DEPDC5: variants seen among roughly 807,000 people sequenced by gnomAD.
The protein encoded by DEPDC5 is DEP domain containing 5, GATOR1 subcomplex subunit, also known as GATOR1 complex protein DEPDC5.
In DEPDC5, 73 loss-of-function variants were observed where a neutral mutation model predicts 217.3. The observed-to-expected ratio is 0.34, with a 90% CI of 0.28 to 0.41. The LOEUF is 0.41. Ranked by LOEUF, DEPDC5 falls within the 10% of genes least tolerant of loss-of-function variation. The pLI, the probability that DEPDC5 is intolerant of heterozygous loss-of-function variation, is 1.00. For missense variants in DEPDC5, 1,675 were observed against 2,070.1 expected (o/e 0.81, Z 3.70); for synonymous variants, 733 against 756.7 (o/e 0.97, Z 0.51).
chr22:31,815,445 T>G (rs1006947324), intron 21 of DEPDC5: 4 of 633,970 alleles, frequency 6.3e-6, no homozygotes, highest in Non-Finnish European at 1.1e-5. Context: ...AGTGATGCAA[T>G]CACAGCTCAC....
At chr22:31,771,614 G>T (rs2083360744) in intron 7 of DEPDC5, among the ~76,000 whole-genome samples, 1 of 151,810 alleles carries the variant, frequency 6.6e-6, no homozygotes, top group Non-Finnish European at 1.5e-5. Flanking sequence ...CAGCTACTCG[G>T]GAGGCTGAGG....
chr22:31,809,322 T>C (rs1242579017), intron 18 of DEPDC5, among the ~76,000 whole-genome samples: 4 of 152,204 alleles, frequency 2.6e-5, no homozygotes, highest in African/African-American at 9.7e-5. Flanking sequence ...GAATTTTGGC[T>C]CTGCCACCTG....
At chr22:31,780,472 T>G (rs2084312209) in intron 8 of DEPDC5, among the ~76,000 whole-genome samples, 1 of 152,074 alleles carries the variant, frequency 6.6e-6, no homozygotes, top group Non-Finnish European at 1.5e-5. Flanking sequence ...CGTAATCACT[T>G]CTCCCATGTG....
At chr22:31,810,468 G>A in intron 19 of DEPDC5, 53 bp from the exon 20 acceptor site, 7 of 1,609,792 alleles carry the variant, frequency 4.3e-6, no homozygotes, top group Non-Finnish European at 5.9e-6. Context: ...TCAGCTCTCA[G>A]GCATGTGTTT....
At chr22:31,812,483 G>C (rs1258221358) in intron 20 of DEPDC5, among the ~76,000 whole-genome samples, 1 of 141,476 alleles carries the variant, frequency 7.1e-6, no homozygotes, top group Non-Finnish European at 1.5e-5. Context: ...GGAGTGTAGT[G>C]GCGCGATCTC....
At chr22:31,899,316 TA>T (rs1329672490) in intron 40 of DEPDC5, among the ~76,000 whole-genome samples, 5 of 152,240 alleles carry the variant, frequency 3.3e-5, no homozygotes, top group Non-Finnish European at 7.3e-5. Context: ...TTCAAAATCT[TA>T]AAAATCTGAC....
chr22:31,780,451 T>A (rs1202962270), intron 8 of DEPDC5, among the ~76,000 whole-genome samples: 1 of 152,134 alleles, frequency 6.6e-6, no homozygotes, highest in East Asian at 1.9e-4. Context: ...GGCAGTTGAG[T>A]CTGGAGTTCT....
chr22:31,798,527 A>G (rs1177870194), intron 13 of DEPDC5, 55 bp from the exon 14 acceptor site: 8 of 1,529,602 alleles, frequency 5.2e-6, no homozygotes, highest in African/African-American at 2.8e-5. Context: ...AAAATTAAAA[A>G]AAAAAGTTCA....
chr22:31,760,518 C>A (rs1173476504), intron 3 of DEPDC5, 138 bp from the exon 4 acceptor site: 4 of 715,582 alleles, frequency 5.6e-6, no homozygotes, highest in Non-Finnish European at 6.9e-6. Context: ...TTCTTTGTTT[C>A]TGAGGGAGCT....
chr22:31,855,667 T>G (rs564775775), intron 31 of DEPDC5, among the ~76,000 whole-genome samples: 1 of 152,250 alleles, frequency 6.6e-6, no homozygotes, highest in Admixed American at 6.5e-5. Context: ...CGTGAGCCAC[T>G]GCGCCTGGCC....
At chr22:31,847,596 A>G (rs2091815438) in intron 31 of DEPDC5, among the ~76,000 whole-genome samples, 1 of 152,168 alleles carries the variant, frequency 6.6e-6, no homozygotes, top group Non-Finnish European at 1.5e-5. Flanking sequence ...TAAAACCATC[A>G]CATCTCGTGA....
rs767329571 is a variant in DEPDC5 at position 31,906,128 on chromosome 22, A to G, written c.4519+62A>G. Reference sequence around the variant, plus strand: ...ACATCCCTTTCCTTGCACCAAGCCTATGGCTGCAGAACCACCTCAGCAGGC... The same window carrying G: ...ACATCCCTTTCCTTGCACCAAGCCTGTGGCTGCAGAACCACCTCAGCAGGC... On this transcript the variant is annotated intron_variant, in intron 42 of 42. Transcript: ENST00000651528. This position sits in a 1 kb window ranked among gnomAD's most constrained non-coding sequence, Gnocchi z 5.1. 2.5e-6 allele frequency: 4 copies of G among 1,613,620 alleles called. No individual in the cohort carries two copies. In the South Asian group the frequency reaches 3.3e-5, roughly 13 times the overall value.
chr22:31,791,993 G>A (rs748207605), intron 10 of DEPDC5, 40 bp from the exon 11 acceptor site: 2 of 965,414 alleles, frequency 2.1e-6, no homozygotes, highest in African/African-American at 3.3e-5. Context: ...TGAAGTAAAT[G>A]AAACAAACTT....
At position 31,881,102 on chromosome 22, in the gene DEPDC5, A is replaced by G. The variant is rs191131738; in HGVS notation, c.4033+1350A>G. Among the ~76,000 whole-genome samples, 122 of 151,576 alleles carry G rather than the reference A, an allele frequency of 8.0e-4. 1 individual carries two copies. The highest frequency in any genetic ancestry group is 1.5e-3 in the Non-Finnish European group (99 of 67,834). Reference sequence around the variant, plus strand: ...GAGGTGGGTGGATCACCTGAGGTCAAGAGTTTGATACCAGCCTGGGCAACA... The same window carrying G: ...GAGGTGGGTGGATCACCTGAGGTCAGGAGTTTGATACCAGCCTGGGCAACA... On this transcript the variant is annotated intron_variant, in intron 38 of 42. Coordinates refer to ENST00000651528, the MANE Select transcript of DEPDC5 (RefSeq NM_001242896.3).
At chr22:31,847,521 AAC>A (rs1569096318) in intron 31 of DEPDC5, among the ~76,000 whole-genome samples, 1 of 152,204 alleles carries the variant, frequency 6.6e-6, no homozygotes, top group South Asian at 2.1e-4. Context: ...AAGGGAAGCA[AAC>A]ACATCCTTCT....
chr22:31,801,467 A>G (rs1401870757), intron 14 of DEPDC5, among the ~76,000 whole-genome samples: 3 of 152,164 alleles, frequency 2.0e-5, no homozygotes, highest in Non-Finnish European at 4.4e-5. Context: ...CCCGGCATTT[A>G]TGTGTTAGCC....
At chr22:31,904,393 TA>T (rs948050346) in intron 41 of DEPDC5, among the ~76,000 whole-genome samples, 6 of 151,522 alleles carry the variant, frequency 4.0e-5, no homozygotes, top group African/African-American at 7.3e-5. Context: ...ATTACTCTGG[TA>T]AAAAAAAATC....
At chr22:31,830,624 C>T (rs944904446) in intron 24 of DEPDC5, among the ~76,000 whole-genome samples, 6 of 118,322 alleles carry the variant, frequency 5.1e-5, no homozygotes, top group South Asian at 2.8e-4. Context: ...TCGGGGTATG[C>T]GTGTACGTGT....
chr22:31,834,437 TAGC>T, intron 25 of DEPDC5, among the ~76,000 whole-genome samples: 1 of 152,220 alleles, frequency 6.6e-6, no homozygotes, highest in African/African-American at 2.4e-5. Context: ...AATAATAAAA[TAGC>T]AGAGAAAATC....
Sources: gnomAD v4.1 joint callset for allele counts (sites outside exome capture counted in the v4.1 genomes callset) on GRCh38, gnomAD v4.1.1 for gene constraint, Gnocchi (gnomAD v3.1) non-coding constraint, MANE v1.5 for transcripts, NCBI Gene and HGNC (gene_info 2026-07-23, HGNC 2026-07-21) for gene names.